Variants in VAV3 observed in about 807,000 individuals in gnomAD.
The protein encoded by VAV3 is guanine nucleotide exchange factor VAV3.
VAV3 carries 94 observed loss-of-function variants against 131.2 expected under a neutral mutation model. The observed-to-expected ratio is 0.72, with a 90% CI of 0.61 to 0.85. The LOEUF (loss-of-function observed/expected upper bound fraction) is 0.85, where lower values mean the gene tolerates loss of function less well. Ranked by LOEUF, VAV3 falls within the 40% of genes least tolerant of loss-of-function variation. The pLI, the probability that VAV3 is intolerant of heterozygous loss-of-function variation, is 0.00. For missense variants in VAV3, 939 were observed against 1,002.7 expected (o/e 0.94, Z 0.86); for synonymous variants, 349 against 342.0 (o/e 1.02, Z -0.22).
chr1:107,782,005 G>A (rs1403793945), intron 2 of VAV3, among the ~76,000 whole-genome samples: 2 of 152,172 alleles, frequency 1.3e-5, no homozygotes, highest in Non-Finnish European at 2.9e-5. Context: ...AATCAGTACA[G>A]TATCCAGACC....
intron 15 of VAV3, among the ~76,000 whole-genome samples, chr1:107,706,815 C>T (rs1485130834): frequency 6.6e-6 from 1 of 152,108 alleles, no homozygotes; most frequent in Non-Finnish European, 1.5e-5. Context: ...ATTCATCAAC[C>T]TGGAGTTTTC....
chr1:107,733,070 T>G lies in VAV3; in HGVS notation c.1502+15898A>C, dbSNP rs1199750260. 2.0e-5 allele frequency among the ~76,000 whole-genome samples: 3 copies of G among 152,194 alleles called. No homozygotes were observed. The East Asian group carries it at 5.8e-4, about 29-fold the overall frequency. On this transcript the variant is annotated intron_variant, in intron 15 of 26. Transcript: ENST00000370056. Reference sequence around the variant, plus strand: ...CTACAAAATTTGCTGTTCTGCAGCCTCTGCTGGTGATACCAAGGAAAACAG... The same window carrying G: ...CTACAAAATTTGCTGTTCTGCAGCCGCTGCTGGTGATACCAAGGAAAACAG...
chr1:107,669,383 C>T, intron 19 of VAV3: 1 of 1,289,722 alleles, frequency 7.8e-7, no homozygotes, highest in South Asian at 1.2e-5. Context: ...CACCCATGTC[C>T]TCAGAATTTC....
chr1:107,784,705 A>G (rs1469642008), intron 2 of VAV3, among the ~76,000 whole-genome samples: 2 of 152,228 alleles, frequency 1.3e-5, no homozygotes, highest in Non-Finnish European at 2.9e-5. Flanking sequence ...TTGTATTTCC[A>G]TCACCTAGTT....
chr1:107,709,141 C>T (rs1465012718), intron 15 of VAV3, among the ~76,000 whole-genome samples: 2 of 152,056 alleles, frequency 1.3e-5, no homozygotes, highest in African/African-American at 4.8e-5. Context: ...AGTAGACCTC[C>T]TAGGCTTTCA....
intron 2 of VAV3, among the ~76,000 whole-genome samples, chr1:107,830,168 A>C (rs2102386034): frequency 6.6e-6 from 1 of 152,290 alleles, no homozygotes; most frequent in African/African-American, 2.4e-5. Context: ...CATGCACATA[A>C]GATCATGCAC....
chr1:107,646,153 G>T (rs1171985666), intron 19 of VAV3, among the ~76,000 whole-genome samples: 1 of 152,058 alleles, frequency 6.6e-6, no homozygotes. Flanking sequence ...GAGGTGCAAA[G>T]TAGCGTAAAC....
intron 2 of VAV3, among the ~76,000 whole-genome samples, chr1:107,845,748 GAA>G (rs1290595965): frequency 1.3e-5 from 2 of 151,928 alleles, no homozygotes; most frequent in Non-Finnish European, 2.9e-5. Flanking sequence ...CAAGATTAGA[GAA>G]AAAAGAATGA....
intron 21 of VAV3, among the ~76,000 whole-genome samples, chr1:107,613,334 A>G (rs1000627703): frequency 6.6e-6 from 1 of 151,748 alleles, no homozygotes; most frequent in Non-Finnish European, 1.5e-5. Flanking sequence ...AATTATCTCT[A>G]TTCTCTCCTT....
chr1:107,776,604 T>C (rs956906744), intron 4 of VAV3, among the ~76,000 whole-genome samples: 11 of 152,230 alleles, frequency 7.2e-5, no homozygotes, highest in Non-Finnish European at 1.6e-4. Flanking sequence ...TTCCATAGCA[T>C]TTGAATCTGT....
intron 2 of VAV3, chr1:107,785,725 C>G (rs1665944610): frequency 1.3e-5 from 12 of 959,702 alleles, no homozygotes; most frequent in Non-Finnish European, 1.5e-5. Context: ...GAAATTCAGA[C>G]AGAAGCATAG....
intron 10 of VAV3, among the ~76,000 whole-genome samples, chr1:107,759,263 A>G (rs376924055): frequency 1.6e-4 from 24 of 152,372 alleles, no homozygotes; most frequent in African/African-American, 3.4e-4. Flanking sequence ...GCTATAAACA[A>G]GAACTTAAAG....
At chr1:107,932,288 T>G (rs1375744427) in intron 1 of VAV3, among the ~76,000 whole-genome samples, 1 of 152,176 alleles carries the variant, frequency 6.6e-6, no homozygotes, top group Non-Finnish European at 1.5e-5. Context: ...GAATGACACC[T>G]TAGAAGTGGT....
chr1:107,859,990 C>T (rs779213848), intron 2 of VAV3, among the ~76,000 whole-genome samples: 10 of 152,086 alleles, frequency 6.6e-5, no homozygotes, highest in African/African-American at 1.7e-4. Flanking sequence ...CTTATTTTGA[C>T]GGCTGTACCA....
In VAV3 at chr1:107,777,717, A is replaced by T. The variant is rs116490505; in HGVS notation, c.381-421T>A. The T allele has an allele frequency of 2.9e-3, 522 of 177,192 alleles. 3 individuals are homozygous for T. The highest frequency in any genetic ancestry group is 0.012 in the African/African-American group (487 of 42,174). The allele number at this position is 177,192 out of a possible 1,614,324, so 11.0% of individuals were successfully genotyped here. On this transcript the variant is annotated intron_variant, in intron 3 of 26. Transcript: ENST00000370056. The stretch of plus-strand genomic sequence containing the variant: ...TTTCAGCTGTGGGATCTGATAACAA[A>T]TAATTTGGTAGCAATCATCCTTCCA...
At chr1:107,647,787 A>G (rs1460633319) in intron 19 of VAV3, among the ~76,000 whole-genome samples, 1 of 152,034 alleles carries the variant, frequency 6.6e-6, no homozygotes, top group Non-Finnish European at 1.5e-5. Flanking sequence ...TTACAGTGAA[A>G]TAAGTGCTGC....
At chr1:107,731,756 C>T (rs144133824) in intron 15 of VAV3, among the ~76,000 whole-genome samples, 380 of 152,166 alleles carry the variant, frequency 2.5e-3, no homozygotes, top group East Asian at 8.3e-3. Flanking sequence ...AGAAGTTGTA[C>T]GAAAGACTCA....
chr1:107,818,506 G>C (rs953985488), intron 2 of VAV3, among the ~76,000 whole-genome samples: 6 of 151,358 alleles, frequency 4.0e-5, no homozygotes, highest in African/African-American at 1.5e-4. Context: ...AAGGAGGGAG[G>C]AACACATATT....
chr1:107,635,283 T>C (rs1468101809), intron 20 of VAV3, among the ~76,000 whole-genome samples: 16 of 152,026 alleles, frequency 1.1e-4, no homozygotes, highest in Admixed American at 1.0e-3. Flanking sequence ...AGGAATACTA[T>C]GCAGCCATAA....
Sources: gnomAD v4.1 joint callset for allele counts (sites outside exome capture counted in the v4.1 genomes callset) on GRCh38, gnomAD v4.1.1 for gene constraint, MANE v1.5 for transcripts, NCBI Gene and HGNC (gene_info 2026-07-23, HGNC 2026-07-21) for gene names.